The following MAP2K6 variants were observed in gnomAD, a reference collection of about 807,000 sequenced individuals.
MAP2K6 encodes dual specificity mitogen-activated protein kinase kinase 6.
Under a neutral mutation model 53.7 loss-of-function variants are expected in MAP2K6, and 16 were observed. The observed-to-expected ratio is 0.30, with a 90% CI of 0.20 to 0.45. MAP2K6 has a LOEUF of 0.45. MAP2K6 is among the 20% of genes least tolerant of loss of function. The pLI is 1.00. For missense variants in MAP2K6, 204 were observed against 411.9 expected, an observed-to-expected ratio of 0.50 and a Z score of 4.37; for synonymous variants, 132 against 143.1, an observed-to-expected ratio of 0.92 and a Z score of 0.55.
intron 1 of MAP2K6, among the ~76,000 whole-genome samples, chr17:69,495,139 G>T (rs145689812): frequency 2.0e-5 from 3 of 146,536 alleles, no homozygotes; most frequent in Admixed American, 6.8e-5. Context: ...CCTCTTATTC[G>T]CTATGCCACT....
chr17:69,509,442 T>G (rs960358526), intron 2 of MAP2K6, among the ~76,000 whole-genome samples: 2 of 152,220 alleles, frequency 1.3e-5, no homozygotes, highest in African/African-American at 4.8e-5. Context: ...TGTATTGATC[T>G]TGAATTCTGT....
chr17:69,431,282 A>G (rs1465845166), intron 1 of MAP2K6, among the ~76,000 whole-genome samples: 2 of 152,084 alleles, frequency 1.3e-5, no homozygotes, highest in Non-Finnish European at 2.9e-5. Context: ...GTGTCCAAAC[A>G]GTGAAAAATA....
At chr17:69,460,409 T>G (rs1243838247) in intron 1 of MAP2K6, among the ~76,000 whole-genome samples, 3 of 152,142 alleles carry the variant, frequency 2.0e-5, no homozygotes, top group Non-Finnish European at 2.9e-5. Context: ...GGTTACCTGG[T>G]GCAGCTGAAG....
chr17:69,502,844 A>G (rs1436173209), intron 1 of MAP2K6, among the ~76,000 whole-genome samples: 1 of 151,984 alleles, frequency 6.6e-6, no homozygotes, highest in Non-Finnish European at 1.5e-5. Context: ...TCTCTTTTTT[A>G]CTGTTTCTTT....
At chr17:69,493,299 G>A (rs1218512964) in intron 1 of MAP2K6, among the ~76,000 whole-genome samples, 2 of 101,774 alleles carry the variant, frequency 2.0e-5, no homozygotes, top group African/African-American at 7.0e-5. Context: ...AAAAAACAGT[G>A]TATGTGTTTG....
chr17:69,517,023 T>C (rs1910186960), intron 3 of MAP2K6, 120 bp downstream of exon 3: 2 of 761,220 alleles, frequency 2.6e-6, no homozygotes, highest in Non-Finnish European at 4.4e-6. Flanking sequence ...AGTTTGCATT[T>C]AAAGGGAAGT....
intron 1 of MAP2K6, among the ~76,000 whole-genome samples, chr17:69,489,227 AAAAAAAAAAAAAGG>A (rs1908656266): frequency 6.6e-6 from 1 of 151,712 alleles, no homozygotes; most frequent in South Asian, 2.1e-4. Context: ...TCTCAAAAAA[AAAAAAAAAAAAAGG>A]AAAAAAGGAA....
intron 1 of MAP2K6, among the ~76,000 whole-genome samples, chr17:69,430,536 A>G (rs1555600357): frequency 6.6e-6 from 1 of 152,202 alleles, no homozygotes; most frequent in Non-Finnish European, 1.5e-5. Flanking sequence ...TCTAGCTATT[A>G]TGTGAAGATG....
chr17:69,486,845 C>T (rs991961533), intron 1 of MAP2K6, among the ~76,000 whole-genome samples: 2 of 152,194 alleles, frequency 1.3e-5, no homozygotes, highest in East Asian at 3.9e-4. Context: ...ATCTGTAAAG[C>T]TGGTGTGGTA....
At chr17:69,509,228 C>T (rs1375805231) in intron 2 of MAP2K6, among the ~76,000 whole-genome samples, 1 of 152,128 alleles carries the variant, frequency 6.6e-6, no homozygotes, top group Non-Finnish European at 1.5e-5. Flanking sequence ...ATTGGTTCTT[C>T]CAATCTGCAA....
Position 69,549,479 on chromosome 17 carries a change from G to A in MAP2K6, c.*7726G>A, listed in dbSNP as rs1361361004. 3 of 152,004 alleles carry A rather than the reference G, an allele frequency of 2.0e-5. No individual in the cohort carries two copies. The highest frequency in any genetic ancestry group is 4.4e-5 in the Non-Finnish European group (3 of 68,002). 9.4% of individuals were successfully genotyped at this position (152,004 alleles called of 1,614,324 possible). On this transcript the variant is annotated 3_prime_UTR_variant, in exon 12 of 12. Transcript: ENST00000590474. ...ACAATTTGCTTGTTATTTCTCTGCC[G>A]GTCACAGATGACCTGGACTGACTGA...
intron 1 of MAP2K6, among the ~76,000 whole-genome samples, chr17:69,427,384 A>G (rs942899544): frequency 6.6e-6 from 1 of 152,220 alleles, no homozygotes; most frequent in African/African-American, 2.4e-5. Flanking sequence ...TAATTTCAGA[A>G]AAATACAGTT....
intron 1 of MAP2K6, chr17:69,433,200 C>G (rs1567816213): frequency 6.6e-6 from 1 of 152,248 alleles, no homozygotes; most frequent in African/African-American, 2.4e-5. Context: ...CTTTGGAAAT[C>G]AGCTAGCCCA....
chr17:69,453,417 G>A (rs1907295331), intron 1 of MAP2K6, among the ~76,000 whole-genome samples: 1 of 152,184 alleles, frequency 6.6e-6, no homozygotes, highest in Non-Finnish European at 1.5e-5. Flanking sequence ...GCAGTAGCTT[G>A]CTGTTAGGTG....
At chr17:69,461,286 C>G (rs996595715) in intron 1 of MAP2K6, among the ~76,000 whole-genome samples, 6 of 152,174 alleles carry the variant, frequency 3.9e-5, no homozygotes, top group Admixed American at 3.3e-4. Flanking sequence ...TGGGTGTCCT[C>G]ACTGCTCTGT....
intron 1 of MAP2K6, among the ~76,000 whole-genome samples, chr17:69,480,685 G>A (rs1202095314): frequency 6.6e-6 from 1 of 152,164 alleles, no homozygotes; most frequent in East Asian, 1.9e-4. Flanking sequence ...TCTGAAGAAA[G>A]CGTACACCTC....
At position 69,417,860 on chromosome 17, in the gene MAP2K6, C is replaced by T. The variant is rs1256287530; in HGVS notation, c.16+2860C>T. ...ACCTGAAAATACACAAAAAGTTTGA[C>T]CCTGTTAAAATACACTTTTCTCACT... is the stretch of plus-strand genomic sequence containing the variant. On this transcript the variant is annotated intron_variant, in intron 1 of 11. Transcript: ENST00000590474. Among the ~76,000 whole-genome samples the T allele has an allele frequency of 2.6e-5, 4 of 152,156 alleles. No homozygotes were observed. In the East Asian group the frequency reaches 7.7e-4, roughly 29 times the overall value.
chr17:69,543,012 G>T lies in MAP2K6; in HGVS notation c.*1259G>T, dbSNP rs1431260482. The T allele has an allele frequency of 6.6e-6, 1 of 152,140 alleles. No homozygotes were observed. Among genetic ancestry groups the T allele is most frequent in the African/African-American group, 2.4e-5 (1 of 41,418 alleles). 9.4% of individuals were successfully genotyped at this position (152,140 alleles called of 1,614,324 possible). A position where few individuals can be genotyped will look rare whatever the true frequency, so the allele number is the denominator to read the frequency against. On this transcript the variant is annotated 3_prime_UTR_variant, in exon 12 of 12. Transcript: ENST00000590474. ...CTTTCTTCAGCAGCGTGCAATAGCT[G>T]GCTCCTCTATAGGAGATGAGCTTCA...
intron 1 of MAP2K6, among the ~76,000 whole-genome samples, chr17:69,461,358 C>T (rs1316371625): frequency 2.0e-5 from 3 of 152,124 alleles, no homozygotes; most frequent in South Asian, 2.1e-4. Flanking sequence ...CACGTGGTCC[C>T]GATGCAATGG....
Sources: gnomAD v4.1 joint callset for allele counts (sites outside exome capture counted in the v4.1 genomes callset) on GRCh38, gnomAD v4.1.1 for gene constraint, MANE v1.5 for transcripts, NCBI Gene and HGNC (gene_info 2026-07-23, HGNC 2026-07-21) for gene names.